Variants in BBS4 observed in about 807,000 individuals in gnomAD.
BBS4 encodes Bardet-Biedl syndrome 4, also known as BBSome complex member BBS4.
In BBS4, 58 loss-of-function variants were observed where a neutral mutation model predicts 71.4. The observed-to-expected ratio is 0.81, with a 90% CI of 0.66 to 1.01. The LOEUF is 1.01. BBS4 is among the 50% of genes least tolerant of loss of function. The pLI is 0.00. For missense variants in BBS4, 660 were observed against 607.9 expected (o/e 1.09, Z -0.90); for synonymous variants, 228 against 216.8 (o/e 1.05, Z -0.46).
intron 2 of BBS4, among the ~76,000 whole-genome samples, chr15:72,709,222 C>T (rs1056785281): frequency 6.6e-6 from 1 of 152,176 alleles, no homozygotes; most frequent in Non-Finnish European, 1.5e-5. Flanking sequence ...ATGTGAGGCC[C>T]AGCTGTGAAA....
intron 9 of BBS4, among the ~76,000 whole-genome samples, chr15:72,728,687 T>G (rs184170503): frequency 6.6e-6 from 1 of 152,302 alleles, no homozygotes; most frequent in East Asian, 1.9e-4. Flanking sequence ...GAAGGCAAAG[T>G]ATACTTTTAT....
intron 8 of BBS4, among the ~76,000 whole-genome samples, chr15:72,725,734 CTTCCCCCTTTCCCT>C (rs1489180235): frequency 1.1e-5 from 1 of 92,190 alleles, no homozygotes; most frequent in Non-Finnish European, 2.0e-5. Context: ...CCCCTTTTCT[CTTCCCCCTTTCCCT>C]TTCCCCCTTC....
At chr15:72,692,194 A>C (rs2064996428) in intron 1 of BBS4, among the ~76,000 whole-genome samples, 1 of 151,648 alleles carries the variant, frequency 6.6e-6, no homozygotes, top group African/African-American at 2.4e-5. Flanking sequence ...TAGGTAATGG[A>C]GTAACTTTAT....
chr15:72,704,098 G>T (rs781035991), intron 2 of BBS4, among the ~76,000 whole-genome samples: 1 of 152,048 alleles, frequency 6.6e-6, no homozygotes, highest in African/African-American at 2.4e-5. Flanking sequence ...AAGTGGCAAG[G>T]GAGTATTGTT....
intron 10 of BBS4, among the ~76,000 whole-genome samples, chr15:72,730,698 G>A (rs1206993781): frequency 6.6e-6 from 1 of 152,178 alleles, no homozygotes; most frequent in Non-Finnish European, 1.5e-5. Flanking sequence ...GCATCAAATG[G>A]ATGAACATCA....
At position 72,735,876 on chromosome 15, in the gene BBS4, C is replaced by T. The variant is rs1057402744; in HGVS notation, c.1158C>T (p.Gly386=). 4.6e-5 allele frequency: 74 copies of T among 1,613,982 alleles called. No homozygotes were observed. In the Middle Eastern group the frequency reaches 6.6e-4, roughly 14 times the overall value. ...ATGCTGTGCTGCTGTACAACCAGGG[C>T]GAGAAGAAGAACGCCCTGGCCCAAT... The part of the protein sequence containing the change: ...LNYAVLLYNQ[G]EKKNALAQYQ... Residue 386 remains glycine, a synonymous_variant, in exon 14 of 16, where the codon GGC becomes GGT. Coordinates refer to ENST00000268057, the MANE Select transcript of BBS4 (RefSeq NM_033028.5).
chr15:72,715,832 G>T (rs1200527129), intron 5 of BBS4, among the ~76,000 whole-genome samples: 3 of 152,168 alleles, frequency 2.0e-5, no homozygotes, highest in Non-Finnish European at 4.4e-5. Flanking sequence ...ACTTTACAAT[G>T]ATGTAAAATT....
At chr15:72,715,911 G>A (rs974996143) in intron 5 of BBS4, among the ~76,000 whole-genome samples, 3 of 152,128 alleles carry the variant, frequency 2.0e-5, no homozygotes, top group Non-Finnish European at 1.5e-5. Flanking sequence ...TTTCAGTATA[G>A]TATTCAGTAA....
Position 72,735,836 on chromosome 15 carries a change from T to C in BBS4, c.1118T>C (p.Leu373Ser), listed in dbSNP as rs1261627387. 1 of 1,614,194 alleles carries C rather than the reference T, an allele frequency of 6.2e-7. No individual in the cohort carries two copies. Among genetic ancestry groups the C allele is most frequent in the Non-Finnish European group, 8.5e-7 (1 of 1,180,020 alleles). ...TCTGTCTGCCACAGGTGTAACCCTTTAGTAAACCTGAACTATGCTGTGCTG... is the reference window on the plus strand; with the variant it reads ...TCTGTCTGCCACAGGTGTAACCCTTCAGTAAACCTGAACTATGCTGTGCTG... ...EAVHLDKCNP[L>S]VNLNYAVLLY... The change falls in exon 14 of 16, where the codon TTA becomes TCA. Residue 373 changes from leucine (L) to serine (S), a missense_variant. Transcript: ENST00000268057.
At chr15:72,700,660 A>G (rs2065153965) in intron 2 of BBS4, among the ~76,000 whole-genome samples, 1 of 152,104 alleles carries the variant, frequency 6.6e-6, no homozygotes, top group South Asian at 2.1e-4. Flanking sequence ...ACTTCTTAAT[A>G]TATTCTGAAT....
chr15:72,688,331 G>A (rs537432821), intron 1 of BBS4, among the ~76,000 whole-genome samples: 75 of 148,838 alleles, frequency 5.0e-4, no homozygotes, highest in African/African-American at 1.7e-3. Flanking sequence ...GTAGTGTTAC[G>A]TTTATAGTAA....
chr15:72,694,422 C>T (rs2065040296), intron 1 of BBS4, among the ~76,000 whole-genome samples: 1 of 152,166 alleles, frequency 6.6e-6, no homozygotes. Flanking sequence ...AACTCCTGAC[C>T]TCAAGTGATC....
chr15:72,713,360 C>T (rs563703309), intron 4 of BBS4, among the ~76,000 whole-genome samples: 9,366 of 147,724 alleles, frequency 0.063, 390 homozygotes, highest in Middle Eastern at 0.094. Flanking sequence ...CGCACACGCA[C>T]GCACGCACTG....
Position 72,716,845 on chromosome 15 carries a change from G to C in BBS4, c.400G>C (p.Asp134His). 6.2e-7 allele frequency: 1 copy of C among 1,607,978 alleles called. No individual in the cohort carries two copies. Among genetic ancestry groups the C allele is most frequent in the Non-Finnish European group, 8.5e-7 (1 of 1,176,282 alleles). ...TGAAGCAGCTAAACTCAACCAGAAAGATTGGGTAAGTAGAGAACTTTCAGT... is the reference window on the plus strand; with the variant it reads ...TGAAGCAGCTAAACTCAACCAGAAACATTGGGTAAGTAGAGAACTTTCAGT... ...YNEAAKLNQK[D>H]WEISHNLGVC... The change falls in exon 6 of 16, where the codon GAT becomes CAT. Residue 134 changes from aspartate (D) to histidine (H), a missense_variant. Coordinates refer to ENST00000268057, the MANE Select transcript of BBS4 (RefSeq NM_033028.5).
chr15:72,727,794 A>G (rs1306466070), intron 8 of BBS4, 146 bp from the exon 9 acceptor site: 6 of 689,838 alleles, frequency 8.7e-6, no homozygotes, highest in African/African-American at 5.3e-5. Context: ...TTTGATGGCA[A>G]TTCCCAAATT....
intron 6 of BBS4, among the ~76,000 whole-genome samples, chr15:72,720,730 T>A (rs1005263924): frequency 6.6e-6 from 1 of 152,210 alleles, no homozygotes; most frequent in Non-Finnish European, 1.5e-5. Context: ...TTCAGACCTG[T>A]GATCTAGGAT....
chr15:72,731,451 T>C lies in BBS4; in HGVS notation c.858T>C (p.Tyr286=), dbSNP rs773048624. Residue 286 remains tyrosine (Y), a synonymous_variant, in exon 11 of 16, where the codon TAT becomes TAC. Coordinates refer to ENST00000268057, the MANE Select transcript of BBS4 (RefSeq NM_033028.5). ...TGTGTTTCTTTGGCAAGAAGAAATA[T>C]GTGGCGGTGAGTGTCCCCTCATGTT... The part of the protein sequence containing the change: ...IGMCFFGKKK[Y]VAAISCLKRA... 13 of 1,614,174 alleles carry C rather than the reference T, an allele frequency of 8.1e-6. 1 individual carries two copies. The highest frequency in any genetic ancestry group is 1.6e-4 in the Middle Eastern group (1 of 6,062).
chr15:72,702,402 G>C (rs777022478), intron 2 of BBS4, among the ~76,000 whole-genome samples: 2 of 151,968 alleles, frequency 1.3e-5, no homozygotes, highest in African/African-American at 2.4e-5. Context: ...CTGGCCTTAC[G>C]TGACTATTCA....
rs1246365360 is a variant in BBS4, at chr15:72,710,199, T to C, written c.156+420T>C. 2.4e-3 allele frequency among the ~76,000 whole-genome samples: 156 copies of C among 66,248 alleles called. 17 individuals are homozygous for C. Among genetic ancestry groups the C allele is most frequent in the Admixed American group, 3.4e-3 (17 of 5,040 alleles). 43.5% of individuals were successfully genotyped at this position (66,248 alleles called of 152,430 possible). ...TGAAAAATGGTATTTTGTCGAGTTT[T>C]TTTTTTTTTTTTTTTTTTTTTGAGA... is the stretch of plus-strand genomic sequence containing the variant. On this transcript the variant is annotated intron_variant, in intron 3 of 15. Coordinates refer to ENST00000268057, the MANE Select transcript of BBS4 (RefSeq NM_033028.5).
Sources: allele counts gnomAD v4.1 joint callset (sites outside exome capture counted in the v4.1 genomes callset), GRCh38; gene constraint gnomAD v4.1.1; transcripts MANE v1.5; gene names NCBI Gene and HGNC (gene_info 2026-07-23, HGNC 2026-07-21).